Variants in CWF19L2 observed in about 807,000 individuals in gnomAD.
CWF19L2 encodes CWF19 like cell cycle control factor 2, also known as CWF19-like protein 2.
In CWF19L2, 98 loss-of-function variants were observed where a neutral mutation model predicts 111.7. That is an observed-to-expected ratio of 0.88 (90% CI 0.75 to 1.04). The LOEUF (loss-of-function observed/expected upper bound fraction) is 1.04. CWF19L2 is among the 50% of genes least tolerant of loss of function. The probability of loss-of-function intolerance (pLI) is 0.00; values close to 1 mark genes in which losing one functional copy is unlikely to be tolerated. For missense variants in CWF19L2, 1,101 were observed against 1,051.4 expected (o/e 1.05, Z -0.65); for synonymous variants, 351 against 342.9 (o/e 1.02, Z -0.26).
At chr11:107,373,911 A>G (rs1251262161) in intron 12 of CWF19L2, among the ~76,000 whole-genome samples, 1 of 135,340 alleles carries the variant, frequency 7.4e-6, no homozygotes, top group African/African-American at 3.0e-5. Context: ...CAACCAATAC[A>G]GAGAAGTGCT....
intron 9 of CWF19L2, among the ~76,000 whole-genome samples, chr11:107,417,674 A>C (rs577628300): frequency 2.2e-4 from 34 of 152,326 alleles, no homozygotes; most frequent in African/African-American, 8.2e-4. Context: ...GAAGTTCCTT[A>C]GTATCTTCAA....
At chr11:107,420,579 C>G (rs1198542765) in intron 8 of CWF19L2, among the ~76,000 whole-genome samples, 1 of 152,040 alleles carries the variant, frequency 6.6e-6, no homozygotes, top group Admixed American at 6.6e-5. Flanking sequence ...ATAGTCCCCC[C>G]CCTTATCTGC....
At position 107,371,917 on chromosome 11, in the gene CWF19L2, T is replaced by C. The variant is rs1381100942; in HGVS notation, c.1872+18157A>G. On this transcript the variant is annotated intron_variant, in intron 12 of 17. Coordinates refer to ENST00000282251, the MANE Select transcript of CWF19L2 (RefSeq NM_152434.3). ...CCTCCACGTCCAAGACATCATTTTA[T>C]TCATCATCCTTTTTTGTGCTTGTTT... Among the ~76,000 whole-genome samples, 2 of 137,866 alleles carry C rather than the reference T, an allele frequency of 1.5e-5. 1 individual carries two copies. The highest frequency in any genetic ancestry group is 3.1e-5 in the Non-Finnish European group (2 of 64,382). 90.4% of individuals were successfully genotyped at this position (137,866 alleles called of 152,430 possible).
chr11:107,351,724 T>C (rs1028668718), intron 13 of CWF19L2, among the ~76,000 whole-genome samples: 1 of 152,112 alleles, frequency 6.6e-6, no homozygotes, highest in Non-Finnish European at 1.5e-5. Context: ...CATCAAGAGA[T>C]GGGTGCAAAC....
In CWF19L2 at chr11:107,429,158, C is replaced by T. The variant is rs777104807; in HGVS notation, c.1074G>A (p.Glu358=). The T allele has an allele frequency of 5.0e-6, 8 of 1,613,822 alleles. No individual in the cohort carries two copies. The Middle Eastern group carries it at 4.9e-4, about 100-fold the overall frequency. ...TAGCTCTCAAATTGCCAAAAGAAAA[C>T]TCTTGATTTTGCCTTGGGTTAGATT... is the stretch of plus-strand genomic sequence containing the variant. ...RRESNPRQNQ[E]FSFGNLRAKF... Residue 358 remains glutamate (E), a synonymous_variant, in exon 8 of 18, where the codon GAG becomes GAA. Coordinates refer to ENST00000282251, the MANE Select transcript of CWF19L2 (RefSeq NM_152434.3).
At chr11:107,337,366 T>TG (rs1424931945) in intron 14 of CWF19L2, among the ~76,000 whole-genome samples, 2 of 98,742 alleles carry the variant, frequency 2.0e-5, no homozygotes, top group African/African-American at 4.5e-5. Context: ...AGGTGTGTGT[T>TG]TTGTGTGTGT....
rs569818333 is a variant in CWF19L2 at position 107,331,180 on chromosome 11, G to GA, written c.2440-1162dup. Among the ~76,000 whole-genome samples the GA allele has an allele frequency of 3.6e-4, 54 of 152,098 alleles. No individual in the cohort carries two copies. In the East Asian group the frequency reaches 8.5e-3, roughly 24 times the overall value. Reference sequence around the variant, plus strand: ...ATCATGTTATGACCTTGACTATTAGGAAAAAACAAAGTAAAGGAGATAGAC... The same window carrying GA: ...ATCATGTTATGACCTTGACTATTAGGAAAAAAACAAAGTAAAGGAGATAGAC... On this transcript the variant is annotated intron_variant, in intron 16 of 17. Transcript: ENST00000282251.
At chr11:107,392,081 G>C (rs1448666819) in intron 11 of CWF19L2, among the ~76,000 whole-genome samples, 1 of 152,018 alleles carries the variant, frequency 6.6e-6, no homozygotes, top group African/African-American at 2.4e-5. Context: ...CATTACATTA[G>C]AAGACATATC....
chr11:107,362,153 C>A (rs1302203391), intron 12 of CWF19L2, among the ~76,000 whole-genome samples: 2 of 152,148 alleles, frequency 1.3e-5, no homozygotes, highest in Non-Finnish European at 2.9e-5. Context: ...TTATATCCCG[C>A]ACCTGGCTCG....
chr11:107,381,474 C>G (rs1000343533), intron 12 of CWF19L2, among the ~76,000 whole-genome samples: 9 of 152,088 alleles, frequency 5.9e-5, no homozygotes, highest in Non-Finnish European at 1.3e-4. Context: ...CAAAATATCA[C>G]GTTATTATTT....
intron 12 of CWF19L2, among the ~76,000 whole-genome samples, chr11:107,380,699 T>C (rs1034116821): frequency 2.6e-5 from 4 of 152,214 alleles, no homozygotes; most frequent in Admixed American, 1.3e-4. Flanking sequence ...GGTTACCATA[T>C]GGTCTAGCAA....
chr11:107,391,490 G>T (rs751708336), intron 11 of CWF19L2, among the ~76,000 whole-genome samples: 1 of 152,134 alleles, frequency 6.6e-6, no homozygotes, highest in Non-Finnish European at 1.5e-5. Flanking sequence ...TGTTACAGTA[G>T]CCTGAACTAA....
chr11:107,431,303 G>T (rs1861462565), intron 7 of CWF19L2, among the ~76,000 whole-genome samples: 1 of 151,590 alleles, frequency 6.6e-6, no homozygotes, highest in Non-Finnish European at 1.5e-5. Flanking sequence ...TAAAGAATTG[G>T]CCGACCAGCA....
At chr11:107,393,680 A>G (rs565889551) in intron 10 of CWF19L2, among the ~76,000 whole-genome samples, 1 of 152,338 alleles carries the variant, frequency 6.6e-6, no homozygotes, top group East Asian at 1.9e-4. Context: ...TGTGGTGTAT[A>G]CATGCCATGG....
At chr11:107,441,361 T>C (rs1389586004) in intron 5 of CWF19L2, 142 bp downstream of exon 5, 3 of 639,344 alleles carry the variant, frequency 4.7e-6, no homozygotes, top group Non-Finnish European at 7.0e-6. Context: ...AACTGATGTA[T>C]TTCATAGTTG....
At chr11:107,397,849 GT>G (rs1860946196) in intron 10 of CWF19L2, among the ~76,000 whole-genome samples, 1 of 72,440 alleles carries the variant, frequency 1.4e-5, no homozygotes, top group Non-Finnish European at 3.6e-5. Context: ...ACAGGACTCT[GT>G]GAAAACCCCC....
chr11:107,410,442 C>T (rs1475282982), intron 10 of CWF19L2, among the ~76,000 whole-genome samples: 2 of 152,074 alleles, frequency 1.3e-5, no homozygotes, highest in African/African-American at 2.4e-5. Context: ...GTGCTTGAAC[C>T]TTCTCTGCAG....
At chr11:107,421,109 AT>A (rs1424682312) in intron 8 of CWF19L2, among the ~76,000 whole-genome samples, 20 of 152,104 alleles carry the variant, frequency 1.3e-4, no homozygotes, top group African/African-American at 4.3e-4. Context: ...TTTTATCACA[AT>A]GAAATTAATT....
chr11:107,438,565 G>A (rs1861573763), intron 6 of CWF19L2, among the ~76,000 whole-genome samples: 1 of 152,140 alleles, frequency 6.6e-6, no homozygotes, highest in African/African-American at 2.4e-5. Context: ...TCCAGTTTAA[G>A]TAGAAACTCA....
Sources: allele counts gnomAD v4.1 joint callset (sites outside exome capture counted in the v4.1 genomes callset), GRCh38; gene constraint gnomAD v4.1.1; transcripts MANE v1.5; gene names NCBI Gene and HGNC (gene_info 2026-07-23, HGNC 2026-07-21).